The following KRIT1 variants were observed in gnomAD, a reference collection of about 807,000 sequenced individuals.
KRIT1 encodes KRIT1 ankyrin repeat containing, also known as krev interaction trapped protein 1.
A neutral mutation model predicts 95.8 loss-of-function variants in KRIT1; 45 were observed. The ratio of observed to expected loss-of-function variants is 0.47; its 90% confidence interval spans 0.37 to 0.60. The LOEUF is 0.60. Among genes scored for constraint, KRIT1 ranks in the 20% least tolerant of loss-of-function variants. The probability of loss-of-function intolerance (pLI) is 0.00; values close to 1 mark genes in which losing one functional copy is unlikely to be tolerated. For synonymous variants in KRIT1, 282 were observed against 278.8 expected (o/e 1.01, Z -0.11); for missense variants, 788 against 877.5 (o/e 0.90, Z 1.29).
rs1026827516 is a variant in KRIT1, at chr7:92,241,974, T to C, written c.102+60A>G. On this transcript the variant is annotated intron_variant, in intron 4 of 18. Transcript: ENST00000394505. ...ACAAGATATAATAAGGCTTTATATG[T>C]GAATGATAATACAGAATGACATTCA... is the stretch of plus-strand genomic sequence containing the variant. 6.5e-6 allele frequency: 6 copies of C among 918,392 alleles called. No individual in the cohort carries two copies. In the African/African-American group the frequency reaches 9.8e-5, roughly 15 times the overall value. The allele number at this position is 918,392 out of a possible 1,614,324, so 56.9% of individuals were successfully genotyped here. A position where few individuals can be genotyped will look rare whatever the true frequency, so the allele number is the denominator to read the frequency against.
At chr7:92,223,104 T>C in intron 12 of KRIT1, 126 bp from the exon 13 acceptor site, 1 of 703,486 alleles carries the variant, frequency 1.4e-6, no homozygotes, top group East Asian at 2.7e-5. Context: ...AGAAACACTG[T>C]TTTAAGTGAG....
chr7:92,239,585 C>G (rs907920301), intron 5 of KRIT1, among the ~76,000 whole-genome samples: 1 of 152,124 alleles, frequency 6.6e-6, no homozygotes, highest in African/African-American at 2.4e-5. Context: ...TAGCTCCCTC[C>G]ACCTTTTTAA....
At chr7:92,210,426 T>C (rs1029149390) in intron 17 of KRIT1, among the ~76,000 whole-genome samples, 14 of 151,920 alleles carry the variant, frequency 9.2e-5, no homozygotes, top group African/African-American at 3.1e-4. Context: ...AGAACAAACA[T>C]TGGGGAAAAA....
chr7:92,204,408 T>A (rs1790904976), intron 17 of KRIT1, among the ~76,000 whole-genome samples: 1 of 151,856 alleles, frequency 6.6e-6, no homozygotes, highest in South Asian at 2.1e-4. Flanking sequence ...GTGTCAGGGA[T>A]GGTTTTGGGA....
chr7:92,200,879 G>T, intron 18 of KRIT1, 75 bp from the exon 19 acceptor site: 1 of 1,000,632 alleles, frequency 1.0e-6, no homozygotes, highest in Non-Finnish European at 1.6e-6. Flanking sequence ...ACATTGGGCA[G>T]TTCCCTATCT....
At chr7:92,227,999 C>A (rs1441636947) in intron 10 of KRIT1, among the ~76,000 whole-genome samples, 1 of 151,966 alleles carries the variant, frequency 6.6e-6, no homozygotes, top group Admixed American at 6.5e-5. Context: ...GGTGACAGAG[C>A]AAGACTCCGT....
At chr7:92,218,385 CTTT>C (rs769129221) in intron 14 of KRIT1, among the ~76,000 whole-genome samples, 6 of 142,538 alleles carry the variant, frequency 4.2e-5, no homozygotes, top group Middle Eastern at 3.4e-3. Context: ...GCCTGGCCTA[CTTT>C]TTTTTTTTTT....
At position 92,228,551 on chromosome 7, in the gene KRIT1, T is replaced by C. The variant is rs1318666551; in HGVS notation, c.990-1869A>G. On this transcript the variant is annotated intron_variant, in intron 10 of 18. Coordinates refer to ENST00000394505, the MANE Select transcript of KRIT1 (RefSeq NM_194454.3). The stretch of plus-strand genomic sequence containing the variant: ...TACACCTTACTCAGGTGATTTGTTT[T>C]ACTCAGGTGATTTGTTTTGCTCAGG... 3.3e-5 allele frequency among the ~76,000 whole-genome samples: 5 copies of C among 152,240 alleles called. 1 individual carries two copies. The highest frequency in any genetic ancestry group is 7.3e-5 in the Non-Finnish European group (5 of 68,040).
At chr7:92,230,773 G>A (rs1797115711) in intron 10 of KRIT1, among the ~76,000 whole-genome samples, 2 of 152,174 alleles carry the variant, frequency 1.3e-5, no homozygotes. Context: ...GACAAAAAGT[G>A]ATCATTAGGG....
Position 92,236,416 on chromosome 7 carries a change from T to A in KRIT1, c.482A>T (p.Asp161Val). Reference sequence around the variant, plus strand: ...TACTTCTAACGGCATTTCTTACTTATCCAAGGCTATTAACATCCTTGCTGT... The same window carrying A: ...TACTTCTAACGGCATTTCTTACTTAACCAAGGCTATTAACATCCTTGCTGT... ...TLTARMLIAL[D>V]KWLDERHAQS... is the part of the protein sequence containing the mutation. Residue 161 changes from aspartate (D) to valine (V), a missense_variant, in exon 7 of 19, where the codon GAT becomes GTT. Coordinates refer to ENST00000394505, the MANE Select transcript of KRIT1 (RefSeq NM_194454.3). 1 of 1,596,610 alleles carries A rather than the reference T, an allele frequency of 6.3e-7. No homozygotes were observed. The highest frequency in any genetic ancestry group is 8.6e-7 in the Non-Finnish European group (1 of 1,164,624).
intron 2 of KRIT1, among the ~76,000 whole-genome samples, chr7:92,244,496 C>A (rs1800418782): frequency 6.6e-6 from 1 of 152,146 alleles, no homozygotes; most frequent in South Asian, 2.1e-4. Context: ...TTTACCATAT[C>A]CCCAAAATAT....
In KRIT1 at chr7:92,213,295, C is replaced by T; in HGVS notation, c.1925G>A (p.Gly642Glu). Residue 642 changes from glycine to glutamate, a missense_variant, in exon 17 of 19, where the codon GGA becomes GAA. Physicochemically the swap from Gly to Glu is moderately conservative, Grantham distance 98. Coordinates refer to ENST00000394505, the MANE Select transcript of KRIT1 (RefSeq NM_194454.3). ...IPTYGAAFFT[G>E]QIFTKASPSN... The stretch of plus-strand genomic sequence containing the variant: ...GGGGCTTGCCTTTGTAAATATCTGT[C>T]CTGTGAAAAATGCTGCTCCATAAGT... The T allele has an allele frequency of 6.2e-7, 1 of 1,613,304 alleles. No individual in the cohort carries two copies. Among genetic ancestry groups the T allele is most frequent in the Non-Finnish European group, 8.5e-7 (1 of 1,179,364 alleles).
chr7:92,240,842 G>T, intron 5 of KRIT1, 151 bp downstream of exon 5: 1 of 671,688 alleles, frequency 1.5e-6, no homozygotes, highest in East Asian at 2.7e-5. Context: ...AGGGGCTTGG[G>T]TGTACCTTAA....
At position 92,222,043 on chromosome 7, in the gene KRIT1, G is replaced by C; in HGVS notation, c.1422C>G (p.Leu474=). 6.2e-7 allele frequency: 1 copy of C among 1,613,102 alleles called. No homozygotes were observed. The part of the protein sequence containing the change: ...WICSENLSLQ[L]KPYHKPLQHV... ...GTTGCAAGGGTTTATGATATGGTTTGAGTTGAAGGCCTGAAAAACATCATT... is the reference window on the plus strand; with the variant it reads ...GTTGCAAGGGTTTATGATATGGTTTCAGTTGAAGGCCTGAAAAACATCATT... Residue 474 remains leucine (L), a synonymous_variant, in exon 14 of 19, where the codon CTC becomes CTG. Coordinates refer to ENST00000394505, the MANE Select transcript of KRIT1 (RefSeq NM_194454.3).
chr7:92,225,822 T>C lies in KRIT1; in HGVS notation c.1152A>G (p.Ile384Met). Residue 384 changes from isoleucine (I) to methionine (M), a missense_variant, in exon 12 of 19, where the codon ATA (isoleucine) becomes ATG (methionine). Physicochemically the swap from Ile to Met is conservative, Grantham distance 10. Transcript: ENST00000394505. ...ATGGAGATCTTCCTTGTTGGTCTGT[T>C]ATATGCTAGAAATGTGGGTGGGGAG... Reference protein sequence around the residue: ...LLNHPETDRHITDQQGRSPLN... With the variant: ...LLNHPETDRHMTDQQGRSPLN... 10 of 1,568,648 alleles carry C rather than the reference T, an allele frequency of 6.4e-6. No homozygotes were observed. The highest frequency in any genetic ancestry group is 8.8e-6 in the Non-Finnish European group (10 of 1,138,752).
chr7:92,225,180 A>G (rs1256819568), intron 12 of KRIT1, among the ~76,000 whole-genome samples: 1 of 152,186 alleles, frequency 6.6e-6, no homozygotes, highest in African/African-American at 2.4e-5. Flanking sequence ...TAATCAACAC[A>G]TCAAGCATAG....
chr7:92,239,865 C>T (rs1327254032), intron 5 of KRIT1, among the ~76,000 whole-genome samples: 1 of 151,994 alleles, frequency 6.6e-6, no homozygotes, highest in Non-Finnish European at 1.5e-5. Flanking sequence ...CGTGTACCAC[C>T]ACACCGGGCT....
intron 4 of KRIT1, 40 bp downstream of exon 4, chr7:92,241,994 C>T (rs1210104697): frequency 2.0e-6 from 2 of 1,019,690 alleles, no homozygotes; most frequent in East Asian, 2.4e-5. Context: ...TACAGAATGA[C>T]ATTCAATGGT....
chr7:92,218,385 C>CTT (rs769129221), intron 14 of KRIT1, among the ~76,000 whole-genome samples: 7 of 142,570 alleles, frequency 4.9e-5, no homozygotes, highest in Admixed American at 1.4e-4. Flanking sequence ...GCCTGGCCTA[C>CTT]TTTTTTTTTT....
Sources: gnomAD v4.1 joint callset for allele counts (sites outside exome capture counted in the v4.1 genomes callset) on GRCh38, gnomAD v4.1.1 for gene constraint, MANE v1.5 for transcripts, NCBI Gene and HGNC (gene_info 2026-07-23, HGNC 2026-07-21) for gene names.